Variants in ROBO1 observed in about 807,000 individuals in gnomAD.
ROBO1 encodes roundabout homolog 1.
A neutral mutation model predicts 195.9 loss-of-function variants in ROBO1; 149 were observed. That is an observed-to-expected ratio of 0.76 (90% CI 0.67 to 0.87). The LOEUF (loss-of-function observed/expected upper bound fraction) is 0.87, where lower values mean the gene tolerates loss of function less well. Ranked by LOEUF, ROBO1 falls within the 40% of genes least tolerant of loss-of-function variation. The probability of loss-of-function intolerance (pLI) is 0.00; values close to 1 mark genes in which losing one functional copy is unlikely to be tolerated. For synonymous variants in ROBO1, 816 were observed against 733.2 expected (o/e 1.11, Z -1.82); for missense variants, 1,933 against 2,068.3 (o/e 0.93, Z 1.27).
At chr3:79,185,996 A>G (rs1280381414) in intron 2 of ROBO1, among the ~76,000 whole-genome samples, 1 of 152,092 alleles carries the variant, frequency 6.6e-6, no homozygotes, top group Non-Finnish European at 1.5e-5. Flanking sequence ...TTCAACCTGG[A>G]GTCTTGAAGT....
At chr3:79,700,062 T>C (rs904702320) in intron 1 of ROBO1, among the ~76,000 whole-genome samples, 2 of 151,716 alleles carry the variant, frequency 1.3e-5, no homozygotes, top group Non-Finnish European at 3.0e-5. Flanking sequence ...GTTTAGTTCC[T>C]ACACATAAGT....
At chr3:78,734,971 T>C (rs2082361855) in intron 5 of ROBO1, among the ~76,000 whole-genome samples, 1 of 152,116 alleles carries the variant, frequency 6.6e-6, no homozygotes, top group Non-Finnish European at 1.5e-5. Context: ...TCAAAGGACC[T>C]GGACAAAAAT....
intron 2 of ROBO1, among the ~76,000 whole-genome samples, chr3:79,576,158 G>A (rs769688203): frequency 8.6e-5 from 13 of 151,870 alleles, no homozygotes; most frequent in Non-Finnish European, 1.9e-4. Context: ...GTTAAATACA[G>A]TATGTAAGAC....
At chr3:79,197,262 C>A (rs1490187162) in intron 2 of ROBO1, among the ~76,000 whole-genome samples, 8 of 151,872 alleles carry the variant, frequency 5.3e-5, no homozygotes, top group Non-Finnish European at 1.2e-4. Flanking sequence ...TTGTTCAACT[C>A]CCACTTATGA....
At chr3:78,625,401 A>G (rs1704701704) in intron 26 of ROBO1, among the ~76,000 whole-genome samples, 1 of 152,240 alleles carries the variant, frequency 6.6e-6, no homozygotes, top group South Asian at 2.1e-4. Flanking sequence ...ATAATGGTTG[A>G]AAATTCTAAA....
At chr3:79,196,246 C>A (rs1476620016) in intron 2 of ROBO1, among the ~76,000 whole-genome samples, 1 of 148,390 alleles carries the variant, frequency 6.7e-6, no homozygotes, top group Non-Finnish European at 1.5e-5. Flanking sequence ...TATCACTTCA[C>A]GTAGAGCTAG....
intron 2 of ROBO1, among the ~76,000 whole-genome samples, chr3:79,470,103 A>C (rs1031944929): frequency 1.3e-5 from 2 of 152,216 alleles, no homozygotes; most frequent in Non-Finnish European, 2.9e-5. Context: ...ATAAAGACAC[A>C]TGAACATGTA....
At chr3:79,274,638 A>G (rs1451908128) in intron 2 of ROBO1, among the ~76,000 whole-genome samples, 1 of 151,982 alleles carries the variant, frequency 6.6e-6, no homozygotes. Flanking sequence ...GAAATAATAA[A>G]GATCTGAGCA....
chr3:78,819,847 C>T (rs767584001), intron 4 of ROBO1, among the ~76,000 whole-genome samples: 13 of 152,128 alleles, frequency 8.5e-5, no homozygotes, highest in African/African-American at 2.2e-4. Flanking sequence ...ACACACAAAC[C>T]TGTTGAGAAT....
At chr3:79,657,149 T>A (rs1380012388) in intron 1 of ROBO1, among the ~76,000 whole-genome samples, 1 of 152,164 alleles carries the variant, frequency 6.6e-6, no homozygotes, top group Middle Eastern at 3.4e-3. Context: ...AACTACCTTA[T>A]AAACACATAG....
At chr3:78,909,436 G>C (rs1430069355) in intron 4 of ROBO1, among the ~76,000 whole-genome samples, 1 of 151,800 alleles carries the variant, frequency 6.6e-6, no homozygotes, top group East Asian at 1.9e-4. Context: ...AATAGCATGA[G>C]AGTCTTGCCC....
Position 78,719,740 on chromosome 3 carries a change from TG to T in ROBO1, c.658-1858del, listed in dbSNP as rs1251137085. Among the ~76,000 whole-genome samples the T allele has an allele frequency of 2.6e-5, 4 of 152,310 alleles. No individual in the cohort carries two copies. In the South Asian group the frequency reaches 8.3e-4, roughly 32 times the overall value. On this transcript the variant is annotated intron_variant, in intron 5 of 30. Transcript: ENST00000464233. Reference sequence around the variant, plus strand: ...ACATTTTACCTAACTATTCCCATACTGATAGATATTTAAGACATCAGTGCTA... The same window carrying T: ...ACATTTTACCTAACTATTCCCATACTATAGATATTTAAGACATCAGTGCTA...
Position 78,614,796 on chromosome 3 carries a change from A to G in ROBO1, c.4287T>C (p.Arg1429=). The G allele has an allele frequency of 6.3e-7, 1 of 1,598,902 alleles. No homozygotes were observed. Among genetic ancestry groups the G allele is most frequent in the Non-Finnish European group, 8.5e-7 (1 of 1,174,124 alleles). The part of the protein sequence containing the change: ...ARRQMQDAAG[R]RHFHASQCPR... ...GGCACTGAGACGCATGAAAATGTCG[A>G]CGGCCTAAGGAGAAAAAAAAAAAAA... Residue 1429 remains arginine (R), a synonymous_variant, in exon 28 of 31, where the codon CGT becomes CGC. Transcript: ENST00000464233.
chr3:79,007,648 A>C (rs949925863), intron 3 of ROBO1, among the ~76,000 whole-genome samples: 5 of 152,200 alleles, frequency 3.3e-5, no homozygotes, highest in Non-Finnish European at 7.3e-5. Context: ...TTTGTTTTTT[A>C]AACTGACAAA....
intron 1 of ROBO1, among the ~76,000 whole-genome samples, chr3:79,662,262 A>G (rs1946351214): frequency 6.6e-6 from 1 of 152,112 alleles, no homozygotes; most frequent in African/African-American, 2.4e-5. Context: ...ATCTTTCTTC[A>G]TGATTGAGAT....
chr3:78,657,129 C>A lies in ROBO1; in HGVS notation c.2583G>T (p.Gly861=), dbSNP rs942826812. The A allele has an allele frequency of 6.2e-7, 1 of 1,611,450 alleles. No homozygotes were observed. The highest frequency in any genetic ancestry group is 8.5e-7 in the Non-Finnish European group (1 of 1,178,830). The part of the protein sequence containing the change: ...EVAASTGAGS[G]VKSEPQFIQL... ...GGATGAACTGAGGCTCACTCTTTAC[C>A]CCAGACCCAGCCCCAGTGCTGGCTG... Residue 861 remains glycine, a synonymous_variant, in exon 18 of 31, where the codon GGG becomes GGT. Transcript: ENST00000464233.
intron 25 of ROBO1, among the ~76,000 whole-genome samples, chr3:78,628,660 C>A (rs778870569): frequency 1.3e-5 from 2 of 152,182 alleles, no homozygotes; most frequent in Non-Finnish European, 2.9e-5. Flanking sequence ...AATAATATTT[C>A]TTTGCATCTT....
intron 2 of ROBO1, among the ~76,000 whole-genome samples, chr3:79,530,392 A>G (rs1941600225): frequency 6.6e-6 from 1 of 152,114 alleles, no homozygotes; most frequent in Admixed American, 6.5e-5. Flanking sequence ...CCAGTTTGAC[A>G]TTACTACCTG....
intron 1 of ROBO1, among the ~76,000 whole-genome samples, chr3:79,731,311 C>T (rs796080080): frequency 9.9e-5 from 15 of 152,104 alleles, no homozygotes; most frequent in African/African-American, 3.6e-4. Context: ...ATGGGATGTC[C>T]CTGTTTTGCA....
Sources: allele counts gnomAD v4.1 joint callset (sites outside exome capture counted in the v4.1 genomes callset), GRCh38; gene constraint gnomAD v4.1.1; transcripts MANE v1.5; gene names NCBI Gene and HGNC (gene_info 2026-07-23, HGNC 2026-07-21).